The following KLHL1 variants were observed in gnomAD, a reference collection of about 807,000 sequenced individuals.
KLHL1 encodes the protein kelch like family member 1, also known as kelch-like protein 1.
KLHL1 carries 47 observed loss-of-function variants against 77.7 expected under a neutral mutation model. That is an observed-to-expected ratio of 0.60 (90% confidence interval 0.48 to 0.77). The LOEUF is 0.77. Ranked by LOEUF, KLHL1 falls within the 30% of genes least tolerant of loss-of-function variation. The probability of loss-of-function intolerance (pLI) is 0.00; values close to 1 mark genes in which losing one functional copy is unlikely to be tolerated. For synonymous variants in KLHL1, 360 were observed against 325.2 expected (o/e 1.11, Z -1.15); for missense variants, 925 against 910.8 (o/e 1.02, Z -0.20).
rs17085631 is a variant in KLHL1, at chr13:69,897,565, G to A, written c.1015-15070C>T. On this transcript the variant is annotated intron_variant, in intron 4 of 10. Coordinates refer to ENST00000377844, the MANE Select transcript of KLHL1 (RefSeq NM_020866.3). ...ATGAGAAAATATTATTAAACCTAGC[G>A]AGGGACATTGGTTCCTTGCTGGATG... Among the ~76,000 whole-genome samples, 1,122 of 152,184 alleles carry A rather than the reference G, an allele frequency of 7.4e-3. 22 individuals are homozygous for A. The highest frequency in any genetic ancestry group is 0.026 in the African/African-American group (1,065 of 41,520).
chr13:69,766,126 A>G (rs2137973604), intron 7 of KLHL1, among the ~76,000 whole-genome samples: 1 of 152,318 alleles, frequency 6.6e-6, no homozygotes, highest in East Asian at 1.9e-4. Context: ...ATCTGTAAAC[A>G]GTAAACTGCC....
chr13:69,765,187 G>C (rs1474102977), intron 7 of KLHL1, among the ~76,000 whole-genome samples: 1 of 151,722 alleles, frequency 6.6e-6, no homozygotes, highest in Non-Finnish European at 1.5e-5. Flanking sequence ...CCTGGTCTCA[G>C]ATGATCCGCC....
At chr13:70,049,269 A>G (rs1463125453) in intron 1 of KLHL1, among the ~76,000 whole-genome samples, 2 of 152,194 alleles carry the variant, frequency 1.3e-5, no homozygotes, top group African/African-American at 4.8e-5. Context: ...ATGTAAACCA[A>G]ACCTAATTCT....
intron 6 of KLHL1, among the ~76,000 whole-genome samples, chr13:69,804,748 A>G (rs1877543312): frequency 6.6e-6 from 1 of 152,174 alleles, no homozygotes; most frequent in Non-Finnish European, 1.5e-5. Flanking sequence ...TAAAATCCAT[A>G]TTATATAATA....
At chr13:69,864,276 TA>T (rs1183658253) in intron 5 of KLHL1, among the ~76,000 whole-genome samples, 2 of 151,874 alleles carry the variant, frequency 1.3e-5, no homozygotes, top group African/African-American at 2.4e-5. Context: ...AGCACTCATC[TA>T]AAAAATACAT....
chr13:70,059,870 A>T (rs746907611), intron 1 of KLHL1, among the ~76,000 whole-genome samples: 2 of 152,120 alleles, frequency 1.3e-5, no homozygotes, highest in African/African-American at 4.8e-5. Flanking sequence ...CTTTGAAACA[A>T]CTAGATCTCA....
chr13:70,087,842 C>T (rs967907653), intron 1 of KLHL1, among the ~76,000 whole-genome samples: 1 of 152,060 alleles, frequency 6.6e-6, no homozygotes, highest in African/African-American at 2.4e-5. Flanking sequence ...GAACCTCCAC[C>T]TTCTAGGAGG....
At chr13:69,829,399 C>T (rs1471416951) in intron 6 of KLHL1, among the ~76,000 whole-genome samples, 1 of 150,072 alleles carries the variant, frequency 6.7e-6, no homozygotes, top group Non-Finnish European at 1.5e-5. Context: ...AGGAGAGCAC[C>T]ACATCAAGGA....
chr13:69,937,642 C>G (rs1456427398), intron 4 of KLHL1, among the ~76,000 whole-genome samples: 2 of 152,096 alleles, frequency 1.3e-5, no homozygotes, highest in Non-Finnish European at 2.9e-5. Flanking sequence ...TAATTTTACA[C>G]TTCTACCTGA....
At chr13:69,985,507 G>A (rs1032659722) in intron 1 of KLHL1, among the ~76,000 whole-genome samples, 1 of 151,568 alleles carries the variant, frequency 6.6e-6, no homozygotes, top group Non-Finnish European at 1.5e-5. Flanking sequence ...ATACTGGTGA[G>A]AATATGGAGA....
At position 69,700,800 on chromosome 13, in the gene KLHL1, C is replaced by A. The variant is rs145189998; in HGVS notation, c.*902G>T. On this transcript the variant is annotated 3_prime_UTR_variant, in exon 11 of 11. Transcript: ENST00000377844. ...TTTCTAGCAATAATCATAAACACTCCAACTTAATGGATCATATGTTTTTCT... is the reference window on the plus strand; with the variant it reads ...TTTCTAGCAATAATCATAAACACTCAAACTTAATGGATCATATGTTTTTCT... 2.4e-4 allele frequency: 37 copies of A among 152,328 alleles called. No individual in the cohort carries two copies. The highest frequency in any genetic ancestry group is 8.7e-4 in the African/African-American group (36 of 41,502). The allele number at this position is 152,328 out of a possible 1,614,324, so 9.4% of individuals were successfully genotyped here. A position where few individuals can be genotyped will look rare whatever the true frequency, so the allele number is the denominator to read the frequency against.
chr13:69,862,659 G>T (rs569360146), intron 5 of KLHL1, among the ~76,000 whole-genome samples: 1 of 152,088 alleles, frequency 6.6e-6, no homozygotes, highest in South Asian at 2.1e-4. Flanking sequence ...TGTTTTTAGA[G>T]AAAGAGCCTT....
intron 1 of KLHL1, among the ~76,000 whole-genome samples, chr13:69,997,118 G>A (rs1331111724): frequency 3.3e-5 from 5 of 151,372 alleles, no homozygotes; most frequent in African/African-American, 1.2e-4. Context: ...CTACTCTGGA[G>A]ATTGAGGCAT....
intron 6 of KLHL1, among the ~76,000 whole-genome samples, chr13:69,810,520 A>T (rs1877826963): frequency 6.6e-6 from 1 of 152,092 alleles, no homozygotes; most frequent in Non-Finnish European, 1.5e-5. Context: ...ACAACCTCTG[A>T]GGTGCGGCAA....
At chr13:69,732,591 G>C (rs1365511812) in intron 8 of KLHL1, among the ~76,000 whole-genome samples, 3 of 151,920 alleles carry the variant, frequency 2.0e-5, no homozygotes, top group African/African-American at 7.3e-5. Context: ...TCTGACATCA[G>C]TGGGTGGCAG....
At chr13:69,711,291 T>C (rs1875865714) in intron 9 of KLHL1, among the ~76,000 whole-genome samples, 1 of 151,860 alleles carries the variant, frequency 6.6e-6, no homozygotes, top group Admixed American at 6.6e-5. Context: ...GGTTTGCCTG[T>C]AAAACAAACA....
intron 1 of KLHL1, among the ~76,000 whole-genome samples, chr13:70,065,531 C>G (rs1262324264): frequency 1.3e-5 from 2 of 152,150 alleles, no homozygotes; most frequent in Non-Finnish European, 2.9e-5. Flanking sequence ...AGAAAACAGC[C>G]ATTCTTTCAT....
intron 5 of KLHL1, among the ~76,000 whole-genome samples, chr13:69,881,324 C>T (rs1201223839): frequency 6.6e-6 from 1 of 151,996 alleles, no homozygotes; most frequent in Non-Finnish European, 1.5e-5. Context: ...TCATACTTGC[C>T]TACTGTTCTT....
chr13:69,883,294 C>A (rs891588012), intron 4 of KLHL1, among the ~76,000 whole-genome samples: 1 of 152,102 alleles, frequency 6.6e-6, no homozygotes, highest in African/African-American at 2.4e-5. Context: ...CATAATCTGA[C>A]CTTTTCCTGT....
Sources: allele counts gnomAD v4.1 joint callset (sites outside exome capture counted in the v4.1 genomes callset), GRCh38; gene constraint gnomAD v4.1.1; transcripts MANE v1.5; gene names NCBI Gene and HGNC (gene_info 2026-07-23, HGNC 2026-07-21).